Variants in MYL10 observed in about 807,000 individuals in gnomAD.
MYL10 encodes the protein myosin light chain 10, also known as myosin regulatory light chain 10.
A neutral mutation model predicts 21.9 loss-of-function variants in MYL10; 18 were observed. The ratio of observed to expected loss-of-function variants is 0.82; its 90% CI spans 0.57 to 1.22. The LOEUF is 1.22. Ranked by LOEUF, MYL10 falls within the 50% of genes most tolerant of loss-of-function variation. The pLI is 0.00. For synonymous variants in MYL10, 88 were observed against 82.8 expected, an observed-to-expected ratio of 1.06 and a Z score of -0.34; for missense variants, 225 against 230.4, an observed-to-expected ratio of 0.98 and a Z score of 0.15.
At chr7:101,618,200 C>T (rs1796632105) in intron 5 of MYL10, among the ~76,000 whole-genome samples, 2 of 152,252 alleles carry the variant, frequency 1.3e-5, no homozygotes, top group African/African-American at 2.4e-5. Context: ...GGCAGGGTGG[C>T]AGGGAGCTGG....
intron 5 of MYL10, among the ~76,000 whole-genome samples, chr7:101,620,281 C>T (rs541883428): frequency 2.6e-5 from 4 of 152,024 alleles, no homozygotes; most frequent in Non-Finnish European, 2.9e-5. Context: ...GCTGAGATGG[C>T]GCCATTATAC....
chr7:101,628,107 A>T (rs1562827909), intron 1 of MYL10, among the ~76,000 whole-genome samples: 1 of 152,112 alleles, frequency 6.6e-6, no homozygotes, highest in Non-Finnish European at 1.5e-5. Flanking sequence ...AGGCCAGGGG[A>T]CCCCCTCAGG....
intron 6 of MYL10, among the ~76,000 whole-genome samples, chr7:101,614,939 G>A (rs1488384606): frequency 6.6e-6 from 1 of 152,172 alleles, no homozygotes; most frequent in Non-Finnish European, 1.5e-5. Flanking sequence ...GCCACCCTCA[G>A]GTCCAGCAAG....
chr7:101,622,849 T>G, intron 4 of MYL10, 148 bp downstream of exon 4: 1 of 639,754 alleles, frequency 1.6e-6, no homozygotes, highest in Non-Finnish European at 2.6e-6. Flanking sequence ...GGTCCCCCCC[T>G]GACTTTCCAG....
At chr7:101,628,185 G>A (rs1796768958) in intron 1 of MYL10, among the ~76,000 whole-genome samples, 1 of 152,234 alleles carries the variant, frequency 6.6e-6, no homozygotes, top group Admixed American at 6.5e-5. Context: ...TGGGCGCAGT[G>A]GCTCACGCCT....
chr7:101,615,206 G>C (rs906742017), intron 6 of MYL10, among the ~76,000 whole-genome samples: 1 of 152,086 alleles, frequency 6.6e-6, no homozygotes, highest in African/African-American at 2.4e-5. Flanking sequence ...TGCCCGAGGC[G>C]GTGCTGGCTA....
In MYL10 at chr7:101,628,729, C is replaced by T. The variant is rs543228325; in HGVS notation, c.78+312G>A. On this transcript the variant is annotated intron_variant, in intron 1 of 7. Coordinates refer to ENST00000223167, the MANE Select transcript of MYL10 (RefSeq NM_138403.5). ...ATATCTGAACAGCTGCCAGGGCCGGCAGTGCTGGGTTCAGGCAGTGAGCCC... is the reference window on the plus strand; with the variant it reads ...ATATCTGAACAGCTGCCAGGGCCGGTAGTGCTGGGTTCAGGCAGTGAGCCC... Among the ~76,000 whole-genome samples the T allele has an allele frequency of 5.3e-5, 8 of 152,334 alleles. No homozygotes were observed. In the South Asian group the frequency reaches 1.7e-3, roughly 32 times the overall value.
At position 101,623,001 on chromosome 7, in the gene MYL10, C is replaced by A. The variant is rs375406824; in HGVS notation, c.345G>T (p.Ala115=). Residue 115 remains alanine (A), a synonymous_variant, in exon 4 of 8, where the codon GCG becomes GCT. Transcript: ENST00000223167. Reference sequence around the variant, plus strand: ...CCCGGCTGCTGGCTCACCCACCCAGCGCGGCAAAGGTGTCCCTCAAGTCCT... The same window carrying A: ...CCCGGCTGCTGGCTCACCCACCCAGAGCGGCAAAGGTGTCCCTCAAGTCCT... ...DKEDLRDTFA[A]LGRINVKNEE... is the part of the protein sequence containing the mutation. 1.2e-6 allele frequency: 2 copies of A among 1,613,698 alleles called. No homozygotes were observed. The highest frequency in any genetic ancestry group is 1.3e-5 in the African/African-American group (1 of 74,932).
At chr7:101,626,118 G>C (rs1796742819) in intron 1 of MYL10, among the ~76,000 whole-genome samples, 1 of 152,222 alleles carries the variant, frequency 6.6e-6, no homozygotes, top group South Asian at 2.1e-4. Context: ...GAAGAAGGGG[G>C]GGTCACCCGG....
At position 101,629,235 on chromosome 7, in the gene MYL10, C is replaced by T. The variant is rs1042502168; in HGVS notation, c.-117G>A. 3.4e-5 allele frequency: 10 copies of T among 297,044 alleles called. No individual in the cohort carries two copies. The East Asian group carries it at 4.9e-4, about 15-fold the overall frequency. 18.4% of individuals were successfully genotyped at this position (297,044 alleles called of 1,614,324 possible). On this transcript the variant is annotated 5_prime_UTR_variant, in exon 1 of 8. Coordinates refer to ENST00000223167, the MANE Select transcript of MYL10 (RefSeq NM_138403.5). ...TAGGGCATGCGATGGGGGTGTGGCTCGCTTCTTCCATGCCCAGCTGCTCAA... is the reference window on the plus strand; with the variant it reads ...TAGGGCATGCGATGGGGGTGTGGCTTGCTTCTTCCATGCCCAGCTGCTCAA...
intron 1 of MYL10, among the ~76,000 whole-genome samples, chr7:101,626,173 G>A (rs1465082217): frequency 6.6e-6 from 1 of 152,226 alleles, no homozygotes; most frequent in African/African-American, 2.4e-5. Context: ...CCTCCGTGAT[G>A]TTAAGAAATT....
At chr7:101,613,803 G>C (rs1176835847) in intron 6 of MYL10, 93 bp from the exon 7 acceptor site, 1 of 1,214,682 alleles carries the variant, frequency 8.2e-7, no homozygotes, top group Non-Finnish European at 1.2e-6. Context: ...AGTGGGGGCA[G>C]GGGGACATCC....
At chr7:101,613,852 G>GC (rs1796579039) in intron 6 of MYL10, 142 bp from the exon 7 acceptor site, 13 of 768,260 alleles carry the variant, frequency 1.7e-5, no homozygotes, top group African/African-American at 1.7e-5. Context: ...GACCCTGCCA[G>GC]CCCCCCCGAT....
rs543285077 is a variant in MYL10 at position 101,628,757 on chromosome 7, G to A, written c.78+284C>T. Reference sequence around the variant, plus strand: ...TGCTGGGTTCAGGCAGTGAGCCCACGGGTCCCCAGGGGCTGGAGAGCTTAA... The same window carrying A: ...TGCTGGGTTCAGGCAGTGAGCCCACAGGTCCCCAGGGGCTGGAGAGCTTAA... On this transcript the variant is annotated intron_variant, in intron 1 of 7. Transcript: ENST00000223167. Among the ~76,000 whole-genome samples, 62 of 152,326 alleles carry A rather than the reference G, an allele frequency of 4.1e-4. 1 individual carries two copies. The South Asian group carries it at 0.012, about 30-fold the overall frequency.
intron 5 of MYL10, among the ~76,000 whole-genome samples, chr7:101,620,585 C>T (rs1395875916): frequency 6.6e-6 from 1 of 152,116 alleles, no homozygotes; most frequent in Non-Finnish European, 1.5e-5. Context: ...GCCCATTTTA[C>T]AGACCAAAAA....
intron 6 of MYL10, among the ~76,000 whole-genome samples, chr7:101,614,367 G>A (rs1324995451): frequency 2.0e-5 from 3 of 152,214 alleles, no homozygotes; most frequent in African/African-American, 7.2e-5. Flanking sequence ...GTTTCTGTGG[G>A]ACAGTCACAG....
intron 6 of MYL10, 94 bp from the exon 7 acceptor site, chr7:101,613,804 G>T: frequency 8.3e-7 from 1 of 1,207,728 alleles, no homozygotes. Flanking sequence ...GTGGGGGCAG[G>T]GGGACATCCT....
At chr7:101,613,757 G>A (rs1181316264) in intron 6 of MYL10, 47 bp from the exon 7 acceptor site, 4 of 1,584,732 alleles carry the variant, frequency 2.5e-6, no homozygotes, top group Non-Finnish European at 3.5e-6. Flanking sequence ...GGGATACCCA[G>A]CTTGAACATG....
At position 101,623,004 on chromosome 7, in the gene MYL10, G is replaced by C; in HGVS notation, c.342C>G (p.Ala114=). 6 of 1,613,948 alleles carry C rather than the reference G, an allele frequency of 3.7e-6. No individual in the cohort carries two copies. The highest frequency in any genetic ancestry group is 1.3e-5 in the African/African-American group (1 of 75,050). Residue 114 remains alanine (A), a synonymous_variant, in exon 4 of 8, where the codon GCC becomes GCG. Coordinates refer to ENST00000223167, the MANE Select transcript of MYL10 (RefSeq NM_138403.5). ...IDKEDLRDTF[A]ALGRINVKNE... ...GGCTGCTGGCTCACCCACCCAGCGCGGCAAAGGTGTCCCTCAAGTCCTCTT... is the reference window on the plus strand; with the variant it reads ...GGCTGCTGGCTCACCCACCCAGCGCCGCAAAGGTGTCCCTCAAGTCCTCTT...
Sources: allele counts gnomAD v4.1 joint callset (sites outside exome capture counted in the v4.1 genomes callset), GRCh38; gene constraint gnomAD v4.1.1; transcripts MANE v1.5; gene names NCBI Gene and HGNC (gene_info 2026-07-23, HGNC 2026-07-21).